The following TMEM117 variants were observed in gnomAD, a reference collection of about 807,000 sequenced individuals.
The protein encoded by TMEM117 is transmembrane protein 117.
A neutral mutation model predicts 52.4 loss-of-function variants in TMEM117; 27 were observed. The observed-to-expected ratio is 0.51, with a 90% CI of 0.38 to 0.71. TMEM117 has a LOEUF of 0.71. TMEM117 is among the 30% of genes least tolerant of loss of function. The pLI, the probability that TMEM117 is intolerant of heterozygous loss-of-function variation, is 0.00. For missense variants in TMEM117, 556 were observed against 630.5 expected (o/e 0.88, Z 1.26); for synonymous variants, 215 against 206.3 (o/e 1.04, Z -0.36).
chr12:43,878,051 A>G (rs1021482135), intron 2 of TMEM117, among the ~76,000 whole-genome samples: 18 of 92,508 alleles, frequency 1.9e-4, no homozygotes, highest in African/African-American at 5.0e-4. Flanking sequence ...GGATTGTTTC[A>G]CGTTTTACAA....
At chr12:44,116,551 CTT>C (rs1316776689) in intron 3 of TMEM117, among the ~76,000 whole-genome samples, 4 of 152,312 alleles carry the variant, frequency 2.6e-5, no homozygotes, top group Admixed American at 2.6e-4. Flanking sequence ...ATTCTTGTAT[CTT>C]TCTCTTGATC....
intron 2 of TMEM117, among the ~76,000 whole-genome samples, chr12:43,932,403 G>A (rs1592373331): frequency 7.0e-6 from 1 of 143,588 alleles, no homozygotes; most frequent in African/African-American, 2.6e-5. Flanking sequence ...CCTTTTTGAT[G>A]GTGATCACCA....
chr12:44,388,644 C>G lies in TMEM117; in HGVS notation c.1517C>G (p.Thr506Arg). The G allele has an allele frequency of 8.1e-6, 13 of 1,613,214 alleles. No homozygotes were observed. The highest frequency in any genetic ancestry group is 1.1e-5 in the Non-Finnish European group (13 of 1,179,428). The stretch of plus-strand genomic sequence containing the variant: ...GCAACAGAAGCTGATCAAGACCCAA[C>G]GACTTCTAAAAGTACACCTACGAAC... ...TSATEADQDPTTSKSTPTN is the reference protein window; with the variant it reads ...TSATEADQDPRTSKSTPTN Residue 506 changes from threonine to arginine, a missense_variant, in exon 8 of 8, where the codon ACG (threonine) becomes AGG (arginine). Around this residue, in one of 3 missense-constraint regions of TMEM117, gnomAD observed 206 missense variants for 211.1 expected, o/e 0.98. Transcript: ENST00000266534.
intron 6 of TMEM117, among the ~76,000 whole-genome samples, chr12:44,362,165 G>A (rs1198392984): frequency 6.6e-6 from 1 of 151,790 alleles, no homozygotes; most frequent in Non-Finnish European, 1.5e-5. Flanking sequence ...ATATCACCAC[G>A]TATTTGGCTC....
At chr12:44,278,751 C>A (rs1266631976) in intron 5 of TMEM117, among the ~76,000 whole-genome samples, 3 of 152,254 alleles carry the variant, frequency 2.0e-5, no homozygotes, top group South Asian at 2.1e-4. Context: ...AAATATCTAA[C>A]CTTATTTTGC....
chr12:44,152,449 T>A (rs1592562066), intron 4 of TMEM117, among the ~76,000 whole-genome samples: 1 of 116,206 alleles, frequency 8.6e-6, no homozygotes, highest in Admixed American at 1.0e-4. Flanking sequence ...TTATATAATA[T>A]AAAAATTTTT....
intron 4 of TMEM117, among the ~76,000 whole-genome samples, chr12:44,150,173 G>A (rs1015592019): frequency 2.6e-5 from 4 of 152,100 alleles, no homozygotes; most frequent in African/African-American, 7.2e-5. Context: ...ACTGGATCAA[G>A]CATTTAATTA....
intron 4 of TMEM117, among the ~76,000 whole-genome samples, chr12:44,147,587 A>G (rs1460849417): frequency 6.6e-6 from 1 of 151,986 alleles, no homozygotes; most frequent in African/African-American, 2.4e-5. Flanking sequence ...TCCAGGTTTG[A>G]GGTTCTTGTT....
chr12:44,201,372 C>T (rs886735101), intron 4 of TMEM117, among the ~76,000 whole-genome samples: 6 of 152,086 alleles, frequency 3.9e-5, no homozygotes, highest in Admixed American at 1.3e-4. Context: ...ACAGAGAAAA[C>T]CAGCATATAC....
chr12:44,086,047 T>C (rs144266085), intron 3 of TMEM117, among the ~76,000 whole-genome samples: 8 of 152,112 alleles, frequency 5.3e-5, no homozygotes, highest in African/African-American at 1.9e-4. Flanking sequence ...TTGCTATAAG[T>C]CATCTAAGGT....
At chr12:44,352,792 A>C (rs1345832432) in intron 6 of TMEM117, among the ~76,000 whole-genome samples, 2 of 152,026 alleles carry the variant, frequency 1.3e-5, no homozygotes, top group Non-Finnish European at 2.9e-5. Context: ...ATGATTTATA[A>C]TCCTTTGGGT....
intron 5 of TMEM117, among the ~76,000 whole-genome samples, chr12:44,239,063 T>C (rs748078838): frequency 5.3e-5 from 8 of 152,206 alleles, no homozygotes; most frequent in Non-Finnish European, 1.0e-4. Context: ...AATCCCAGTG[T>C]AGGGTTTTAA....
At chr12:44,326,405 A>G (rs1207495274) in intron 6 of TMEM117, among the ~76,000 whole-genome samples, 1 of 152,168 alleles carries the variant, frequency 6.6e-6, no homozygotes, top group Non-Finnish European at 1.5e-5. Context: ...GAAGAACTGG[A>G]AAGTGTGTCC....
chr12:43,887,687 G>C (rs1318587492), intron 2 of TMEM117, among the ~76,000 whole-genome samples: 1 of 152,148 alleles, frequency 6.6e-6, no homozygotes, highest in Non-Finnish European at 1.5e-5. Flanking sequence ...AAATTCAGCA[G>C]AAGTTACACT....
intron 5 of TMEM117, among the ~76,000 whole-genome samples, chr12:44,270,914 T>C (rs1950438097): frequency 6.6e-6 from 1 of 152,116 alleles, no homozygotes; most frequent in Non-Finnish European, 1.5e-5. Context: ...CTAATTTTTG[T>C]TTTTAATTCT....
At chr12:44,022,287 C>G (rs187999921) in intron 3 of TMEM117, among the ~76,000 whole-genome samples, 3 of 152,138 alleles carry the variant, frequency 2.0e-5, no homozygotes, top group Non-Finnish European at 2.9e-5. Flanking sequence ...TTTTTATTGA[C>G]CAAACTACAA....
intron 3 of TMEM117, among the ~76,000 whole-genome samples, chr12:43,948,156 A>G (rs1945163503): frequency 6.6e-6 from 1 of 152,104 alleles, no homozygotes; most frequent in Admixed American, 6.6e-5. Flanking sequence ...TGGAGAGGGA[A>G]AGAGGTAAGT....
chr12:44,331,338 C>T (rs1951268383), intron 6 of TMEM117, among the ~76,000 whole-genome samples: 1 of 151,890 alleles, frequency 6.6e-6, no homozygotes, highest in African/African-American at 2.4e-5. Flanking sequence ...TCAAATCAGA[C>T]ATTGTCACAA....
intron 3 of TMEM117, among the ~76,000 whole-genome samples, chr12:44,058,415 A>T (rs1947090695): frequency 1.3e-5 from 2 of 152,088 alleles, no homozygotes; most frequent in Non-Finnish European, 2.9e-5. Flanking sequence ...ACCTGGATCA[A>T]TTTTTCTATG....
Sources: gnomAD v4.1 joint callset for allele counts (sites outside exome capture counted in the v4.1 genomes callset) on GRCh38, gnomAD v4.1.1 for gene constraint, gnomAD v4.1.1 regional missense constraint, MANE v1.5 for transcripts, NCBI Gene and HGNC (gene_info 2026-07-23, HGNC 2026-07-21) for gene names.